The following GRM5 variants were observed in gnomAD, a reference collection of about 807,000 sequenced individuals.
The protein encoded by GRM5 is glutamate metabotropic receptor 5, also known as metabotropic glutamate receptor 5.
GRM5 carries 19 observed loss-of-function variants against 83.1 expected under a neutral mutation model. The observed-to-expected ratio is 0.23, with a 90% confidence interval of 0.16 to 0.34. GRM5 has a LOEUF of 0.34. GRM5 is among the 10% of genes least tolerant of loss of function. GRM5 has a pLI of 1.00. For synonymous variants in GRM5, 675 were observed against 633.6 expected, an observed-to-expected ratio of 1.07 and a Z score of -0.98; for missense variants, 1,160 against 1,588.3, an observed-to-expected ratio of 0.73 and a Z score of 4.58.
chr11:89,031,040 A>G (rs1338219182), intron 2 of GRM5, among the ~76,000 whole-genome samples: 3 of 152,016 alleles, frequency 2.0e-5, no homozygotes, highest in African/African-American at 4.8e-5. Context: ...CTTAGAGTTG[A>G]GGTCTAACAA....
At chr11:89,042,838 T>C (rs1267523731) in intron 2 of GRM5, among the ~76,000 whole-genome samples, 2 of 146,942 alleles carry the variant, frequency 1.4e-5, no homozygotes, top group African/African-American at 2.7e-5. Context: ...AGTCATATTA[T>C]AACCTGAAAT....
At chr11:88,720,827 T>C (rs1386822687) in intron 3 of GRM5, among the ~76,000 whole-genome samples, 1 of 151,428 alleles carries the variant, frequency 6.6e-6, no homozygotes, top group Non-Finnish European at 1.5e-5. Flanking sequence ...TGTGCGTGTG[T>C]GTGTGTGTGT....
chr11:88,767,032 A>T (rs1942636523), intron 3 of GRM5, among the ~76,000 whole-genome samples: 1 of 151,540 alleles, frequency 6.6e-6, no homozygotes, highest in Non-Finnish European at 1.5e-5. Flanking sequence ...TGGCTATTTA[A>T]TTTTTTTCTC....
intron 2 of GRM5, among the ~76,000 whole-genome samples, chr11:88,870,002 G>GA (rs958802731): frequency 6.6e-6 from 1 of 151,324 alleles, no homozygotes; most frequent in South Asian, 2.1e-4. Flanking sequence ...ATAGAAGTAA[G>GA]AAAAAATATA....
chr11:88,696,664 A>G (rs552740631), intron 3 of GRM5, among the ~76,000 whole-genome samples: 85 of 152,268 alleles, frequency 5.6e-4, no homozygotes, highest in Non-Finnish European at 8.8e-4. Flanking sequence ...ATTATGTAAC[A>G]TTTCTGACTC....
intron 3 of GRM5, among the ~76,000 whole-genome samples, chr11:88,726,118 T>A (rs1008411651): frequency 2.6e-5 from 4 of 152,022 alleles, no homozygotes; most frequent in Admixed American, 2.6e-4. Context: ...TCTAACCCAA[T>A]GTAAAGAAGC....
intron 8 of GRM5, among the ~76,000 whole-genome samples, chr11:88,552,529 T>A (rs1361659021): frequency 6.6e-6 from 1 of 152,146 alleles, no homozygotes; most frequent in Non-Finnish European, 1.5e-5. Flanking sequence ...GTGGTAGTCT[T>A]TGATTATTGC....
At chr11:88,797,905 G>C (rs1310306238) in intron 3 of GRM5, among the ~76,000 whole-genome samples, 1 of 151,242 alleles carries the variant, frequency 6.6e-6, no homozygotes, top group African/African-American at 2.4e-5. Flanking sequence ...TAGTTGGGGA[G>C]CTAAGAATAA....
chr11:88,592,750 C>A (rs914801814), intron 6 of GRM5, among the ~76,000 whole-genome samples: 1 of 152,144 alleles, frequency 6.6e-6, no homozygotes, highest in African/African-American at 2.4e-5. Context: ...ATTTTGAACA[C>A]GAGGTAGTGA....
intron 3 of GRM5, among the ~76,000 whole-genome samples, chr11:88,681,698 G>A (rs974484909): frequency 6.7e-6 from 1 of 148,438 alleles, no homozygotes; most frequent in Non-Finnish European, 1.5e-5. Context: ...AGCCTCCCAA[G>A]TAGCTGGGAT....
At chr11:89,016,467 T>C (rs1280847401) in intron 2 of GRM5, among the ~76,000 whole-genome samples, 2 of 152,124 alleles carry the variant, frequency 1.3e-5, no homozygotes, top group Non-Finnish European at 2.9e-5. Context: ...AATAGTCTTA[T>C]AGAAAGAAAT....
At chr11:88,686,773 C>A (rs912258979) in intron 3 of GRM5, among the ~76,000 whole-genome samples, 12 of 152,080 alleles carry the variant, frequency 7.9e-5, no homozygotes, top group Admixed American at 1.3e-4. Context: ...GTAAGAAGTG[C>A]CTTTCACCTC....
At chr11:88,988,377 C>T (rs1473055185) in intron 2 of GRM5, among the ~76,000 whole-genome samples, 8 of 151,228 alleles carry the variant, frequency 5.3e-5, no homozygotes, top group Admixed American at 2.0e-4. Flanking sequence ...ACCAAATCTA[C>T]GTCTGATTGG....
chr11:88,579,564 T>C (rs1480020449), intron 7 of GRM5, among the ~76,000 whole-genome samples: 2 of 152,280 alleles, frequency 1.3e-5, no homozygotes, highest in East Asian at 3.9e-4. Flanking sequence ...ATAGTGGTCA[T>C]GTGGTTATCT....
intron 7 of GRM5, among the ~76,000 whole-genome samples, chr11:88,585,960 C>T (rs1823646141): frequency 6.6e-6 from 1 of 151,982 alleles, no homozygotes; most frequent in African/African-American, 2.4e-5. Flanking sequence ...GTTTTCATAC[C>T]AGATTCTTTA....
At chr11:88,882,328 G>C (rs1944970808) in intron 2 of GRM5, among the ~76,000 whole-genome samples, 2 of 150,644 alleles carry the variant, frequency 1.3e-5, no homozygotes, top group African/African-American at 4.9e-5. Flanking sequence ...AAGGCGGGTA[G>C]ATCACGAGGT....
At chr11:88,802,266 C>G (rs1418143072) in intron 3 of GRM5, among the ~76,000 whole-genome samples, 1 of 151,948 alleles carries the variant, frequency 6.6e-6, no homozygotes, top group Non-Finnish European at 1.5e-5. Flanking sequence ...TTCTACATAG[C>G]AAAGACATAG....
chr11:89,042,823 T>C (rs1377355490), intron 2 of GRM5, among the ~76,000 whole-genome samples: 1 of 152,182 alleles, frequency 6.6e-6, no homozygotes, highest in Non-Finnish European at 1.5e-5. Context: ...AAATAACTGA[T>C]GGGAAGTCAT....
intron 2 of GRM5, among the ~76,000 whole-genome samples, chr11:89,013,677 C>T (rs1031400032): frequency 1.3e-5 from 2 of 152,202 alleles, no homozygotes; most frequent in African/African-American, 4.8e-5. Flanking sequence ...AGCTATTTAT[C>T]TTCTCATGTC....
Sources: gnomAD v4.1 joint callset for allele counts (sites outside exome capture counted in the v4.1 genomes callset) on GRCh38, gnomAD v4.1.1 for gene constraint, MANE v1.5 for transcripts, NCBI Gene and HGNC (gene_info 2026-07-23, HGNC 2026-07-21) for gene names.